SCMH1: variants seen among roughly 807,000 people sequenced by gnomAD.
SCMH1 encodes Scm polycomb group protein homolog 1.
In SCMH1, 37 loss-of-function variants were observed where a neutral mutation model predicts 70.8. The observed-to-expected ratio is 0.52, with a 90% CI of 0.40 to 0.69. The LOEUF (loss-of-function observed/expected upper bound fraction) is 0.69. SCMH1 is among the 30% of genes least tolerant of loss of function. The probability of loss-of-function intolerance (pLI) is 0.00; values close to 1 mark genes in which losing one functional copy is unlikely to be tolerated. For missense variants in SCMH1, 607 were observed against 827.3 expected (o/e 0.73, Z 3.27); for synonymous variants, 292 against 307.4 (o/e 0.95, Z 0.52).
In SCMH1 at chr1:41,046,391, C is replaced by T; in HGVS notation, c.1498+16G>A. On this transcript the variant is annotated intron_variant, in intron 12 of 14. Coordinates refer to ENST00000337495, the Ensembl canonical transcript of SCMH1. ...CTGTCCCCCACTCTCAGCCCAGGCC[C>T]CATCCCAGCTCCTACCTGGTAGGTA... 2 of 1,612,042 alleles carry T rather than the reference C, an allele frequency of 1.2e-6. No homozygotes were observed. Among genetic ancestry groups the T allele is most frequent in the Non-Finnish European group, 1.7e-6 (2 of 1,178,488 alleles).
intron 4 of SCMH1, among the ~76,000 whole-genome samples, chr1:41,155,984 C>CAAAAAAAAAAAAAAAAAA (rs386366781): frequency 2.7e-5 from 2 of 74,626 alleles, no homozygotes; most frequent in African/African-American, 1.2e-4. Context: ...GACTCCGTCT[C>CAAAAAAAAAAAAAAAAAA]AAAAAAAAAA....
At chr1:41,110,163 G>A (rs1033639872) in intron 8 of SCMH1, among the ~76,000 whole-genome samples, 2 of 152,180 alleles carry the variant, frequency 1.3e-5, no homozygotes, top group African/African-American at 4.8e-5. Flanking sequence ...GAGCCAAGAA[G>A]TGTGTTTCCC....
intron 10 of SCMH1, among the ~76,000 whole-genome samples, chr1:41,066,734 C>T (rs1654727267): frequency 6.6e-6 from 1 of 152,020 alleles, no homozygotes; most frequent in African/African-American, 2.4e-5. Context: ...AGGTGCACAT[C>T]AGCGTGCCCA....
At chr1:41,092,880 C>T (rs1664038081) in intron 8 of SCMH1, among the ~76,000 whole-genome samples, 2 of 152,098 alleles carry the variant, frequency 1.3e-5, no homozygotes, top group Admixed American at 1.3e-4. Flanking sequence ...ACAACAGGTG[C>T]TGGAGAGGAT....
At chr1:41,203,034 G>C (rs1446008720) in intron 1 of SCMH1, among the ~76,000 whole-genome samples, 1 of 150,304 alleles carries the variant, frequency 6.7e-6, no homozygotes, top group Non-Finnish European at 1.5e-5. Context: ...TTTAAAAAAA[G>C]AAACAAGTGA....
chr1:41,028,087 G>T (rs1361422494), exon 15 of SCMH1: 1 of 1,401,360 alleles, frequency 7.1e-7, no homozygotes, highest in Non-Finnish European at 9.9e-7. Context: ...GGAGTCCTGA[G>T]GTGGCCCGGA....
intron 1 of SCMH1, among the ~76,000 whole-genome samples, chr1:41,210,059 A>G (rs540861688): frequency 5.9e-5 from 9 of 152,190 alleles, no homozygotes; most frequent in Admixed American, 2.6e-4. Context: ...GCATTCCTAT[A>G]TATCAATAAC....
intron 6 of SCMH1, among the ~76,000 whole-genome samples, chr1:41,130,259 T>A (rs1015190443): frequency 3.3e-5 from 5 of 152,320 alleles, no homozygotes; most frequent in African/African-American, 9.6e-5. Flanking sequence ...CAGGAGTTTT[T>A]AAAAATATTT....
chr1:41,072,756 C>T (rs1222619809), intron 9 of SCMH1, among the ~76,000 whole-genome samples: 1 of 152,064 alleles, frequency 6.6e-6, no homozygotes, highest in Non-Finnish European at 1.5e-5. Context: ...GTCCCAGCTA[C>T]TTGGGAGGCT....
chr1:41,139,246 G>T (rs1467525364), intron 6 of SCMH1, among the ~76,000 whole-genome samples: 1 of 152,014 alleles, frequency 6.6e-6, no homozygotes, highest in Non-Finnish European at 1.5e-5. Context: ...TTCTGGGTGG[G>T]ACTATCTCAT....
intron 3 of SCMH1, 90 bp downstream of exon 3, chr1:41,161,274 T>C: frequency 6.5e-7 from 1 of 1,533,300 alleles, no homozygotes; most frequent in Non-Finnish European, 8.8e-7. Flanking sequence ...TTGAGTTATT[T>C]GTAAACTCAG....
intron 8 of SCMH1, among the ~76,000 whole-genome samples, chr1:41,108,525 A>C (rs770435565): frequency 7.2e-5 from 11 of 152,248 alleles, no homozygotes; most frequent in Non-Finnish European, 1.6e-4. Context: ...TAAGTCACAA[A>C]AAATAAGCTA....
intron 10 of SCMH1, among the ~76,000 whole-genome samples, chr1:41,049,310 ATGTG>A (rs3030391): frequency 2.5e-4 from 38 of 149,894 alleles, no homozygotes; most frequent in Admixed American, 1.4e-3. Context: ...GCAAGGGCAT[ATGTG>A]TGTGTGTGTG....
chr1:41,035,343 C>G (rs894217416), intron 13 of SCMH1, among the ~76,000 whole-genome samples: 1 of 152,164 alleles, frequency 6.6e-6, no homozygotes, highest in African/African-American at 2.4e-5. Flanking sequence ...CTCAAGCTGT[C>G]TTTTCTCATC....
chr1:41,058,537 C>T lies in SCMH1; in HGVS notation c.1106-9647G>A, dbSNP rs533026013. Among the ~76,000 whole-genome samples the T allele has an allele frequency of 1.8e-3, 280 of 152,084 alleles. 1 individual carries two copies. Among genetic ancestry groups the T allele is most frequent in the Non-Finnish European group, 2.7e-3 (185 of 67,986 alleles). On this transcript the variant is annotated intron_variant, in intron 10 of 14. Transcript: ENST00000337495. Reference sequence around the variant, plus strand: ...CTGGGACTACAGGTGCATGCCACCACACCTGGCTAATTCTTTGTATATTTA... The same window carrying T: ...CTGGGACTACAGGTGCATGCCACCATACCTGGCTAATTCTTTGTATATTTA...
At position 41,208,718 on chromosome 1, in the gene SCMH1, C is replaced by T. The variant is rs564761093; in HGVS notation, c.-117-22468G>A. 2.6e-5 allele frequency among the ~76,000 whole-genome samples: 4 copies of T among 152,264 alleles called. No individual in the cohort carries two copies. The East Asian group carries it at 7.7e-4, about 29-fold the overall frequency. ...ACAACATACCAGAATCTCAGGGACACATTTAAAGCAGTGTGTTGAGGGAAA... is the reference window on the plus strand; with the variant it reads ...ACAACATACCAGAATCTCAGGGACATATTTAAAGCAGTGTGTTGAGGGAAA... On this transcript the variant is annotated intron_variant, in intron 1 of 14. Transcript: ENST00000337495.
At chr1:41,215,192 C>T (rs967211647) in intron 1 of SCMH1, among the ~76,000 whole-genome samples, 1 of 152,144 alleles carries the variant, frequency 6.6e-6, no homozygotes, top group South Asian at 2.1e-4. Context: ...TTGCAGTCTA[C>T]TATGCTGTTC....
chr1:41,120,942 C>T (rs1671780961), intron 6 of SCMH1, among the ~76,000 whole-genome samples: 1 of 152,200 alleles, frequency 6.6e-6, no homozygotes, highest in African/African-American at 2.4e-5. Context: ...ATATCATGAG[C>T]CAGCTCCTTG....
intron 2 of SCMH1, among the ~76,000 whole-genome samples, chr1:41,178,248 C>T (rs1204998535): frequency 7.9e-5 from 12 of 152,066 alleles, no homozygotes; most frequent in African/African-American, 2.4e-4. Context: ...GCACTAAACA[C>T]GGAAAGGAAC....
Sources: allele counts gnomAD v4.1 joint callset (sites outside exome capture counted in the v4.1 genomes callset), GRCh38; gene constraint gnomAD v4.1.1; transcripts MANE v1.5; gene names NCBI Gene and HGNC (gene_info 2026-07-23, HGNC 2026-07-21).